FOXK2: variants seen among roughly 807,000 people sequenced by gnomAD.
FOXK2 encodes the protein forkhead box protein K2.
FOXK2 carries 24 observed loss-of-function variants against 53.3 expected under a neutral mutation model. That is an observed-to-expected ratio of 0.45 (90% CI 0.33 to 0.63). FOXK2 has a LOEUF of 0.63. Among genes scored for constraint, FOXK2 ranks in the 30% least tolerant of loss-of-function variants. FOXK2 has a pLI of 0.03. For missense variants in FOXK2, 952 were observed against 910.5 expected, an observed-to-expected ratio of 1.05 and a Z score of -0.59; for synonymous variants, 505 against 407.1, an observed-to-expected ratio of 1.24 and a Z score of -2.89.
At chr17:82,586,232 C>A (rs1555642308) in intron 7 of FOXK2, 32 bp downstream of exon 7, 3 of 1,224,450 alleles carry the variant, frequency 2.5e-6, no homozygotes, top group Admixed American at 5.1e-5. Flanking sequence ...AGAGGGGAGA[C>A]CACAGGGAGG....
intron 1 of FOXK2, among the ~76,000 whole-genome samples, chr17:82,545,788 G>T (rs1432642692): frequency 6.6e-6 from 1 of 152,004 alleles, no homozygotes; most frequent in African/African-American, 2.4e-5. Flanking sequence ...CACCATGTTG[G>T]CCAGGCTGGT....
chr17:82,541,007 G>A (rs1206275120), intron 1 of FOXK2, among the ~76,000 whole-genome samples: 5 of 152,250 alleles, frequency 3.3e-5, no homozygotes, highest in South Asian at 4.1e-4. Flanking sequence ...TGTGTGTGGC[G>A]TGTGGCTGCT....
chr17:82,559,318 G>A (rs776091057), intron 1 of FOXK2: 5 of 451,442 alleles, frequency 1.1e-5, no homozygotes, highest in African/African-American at 4.0e-5. Context: ...CTCTGCTACT[G>A]GCTGGCGACC....
intron 4 of FOXK2, among the ~76,000 whole-genome samples, chr17:82,579,032 A>C (rs2279396): frequency 0.59 from 90,211 of 152,050 alleles, 27,382 homozygotes; most frequent in South Asian, 0.79. Context: ...TGTTCTTCAG[A>C]CTCGGATGCT....
chr17:82,561,616 G>A (rs1006711977), intron 1 of FOXK2, among the ~76,000 whole-genome samples: 8 of 152,150 alleles, frequency 5.3e-5, no homozygotes, highest in Admixed American at 1.3e-4. Flanking sequence ...GCCGTCCTGC[G>A]TGTGCCTCAC....
chr17:82,603,721 T>G lies in FOXK2; in HGVS notation c.*2222T>G, dbSNP rs2045414826. Reference sequence around the variant, plus strand: ...AATGGTAAAGAAGGGAGGAGGGTGTTTTTTTTTTTTTTTTTTGCCGTAGGC... The same window carrying G: ...AATGGTAAAGAAGGGAGGAGGGTGTGTTTTTTTTTTTTTTTTGCCGTAGGC... On this transcript the variant is annotated 3_prime_UTR_variant, in exon 9 of 9. Coordinates refer to ENST00000335255, the MANE Select transcript of FOXK2 (RefSeq NM_004514.4). 1.4e-4 allele frequency: 1 copy of G among 7,150 alleles called. No homozygotes were observed. The highest frequency in any genetic ancestry group is 3.7e-3 in the Admixed American group (1 of 268). 0.4% of individuals were successfully genotyped at this position (7,150 alleles called of 1,614,324 possible). A position where few individuals can be genotyped will look rare whatever the true frequency, so the allele number is the denominator to read the frequency against.
chr17:82,536,156 GTGT>G (rs1320647340), intron 1 of FOXK2, among the ~76,000 whole-genome samples: 4 of 152,182 alleles, frequency 2.6e-5, no homozygotes, highest in Non-Finnish European at 5.9e-5. Flanking sequence ...GGGATTACAG[GTGT>G]GAGCTACGGT....
chr17:82,575,138 T>C (rs1300741638), intron 4 of FOXK2, among the ~76,000 whole-genome samples: 1 of 152,220 alleles, frequency 6.6e-6, no homozygotes, highest in African/African-American at 2.4e-5. Context: ...ATAAGTAATG[T>C]ACCACACATT....
At chr17:82,566,777 T>C (rs891838250) in intron 2 of FOXK2, among the ~76,000 whole-genome samples, 1 of 152,146 alleles carries the variant, frequency 6.6e-6, no homozygotes, top group African/African-American at 2.4e-5. Context: ...TCCCCACACC[T>C]GCACAGACCT....
At chr17:82,555,525 A>G (rs2044714944) in intron 1 of FOXK2, among the ~76,000 whole-genome samples, 1 of 152,094 alleles carries the variant, frequency 6.6e-6, no homozygotes. Flanking sequence ...TTCGAATGTA[A>G]CCTACATTCA....
rs939871991 is a variant in FOXK2 at position 82,587,118 on chromosome 17, G to A, written c.1632G>A (p.Arg544=). The change falls in exon 8 of 9, where the codon CGG becomes CGA. Residue 544 remains arginine, a synonymous_variant. Transcript: ENST00000335255. The stretch of plus-strand genomic sequence containing the variant: ...ACGCCACGCTCGGCACTGCCAGCCG[G>A]ATCATTCAGACGGCACAGACCACCC... ...IGHATLGTAS[R]IIQTAQTTPV... 1.2e-6 allele frequency: 2 copies of A among 1,613,080 alleles called. No individual in the cohort carries two copies. The highest frequency in any genetic ancestry group is 2.2e-5 in the East Asian group (1 of 44,892).
chr17:82,528,055 G>T (rs1211393478), intron 1 of FOXK2, among the ~76,000 whole-genome samples: 2 of 152,070 alleles, frequency 1.3e-5, no homozygotes, highest in East Asian at 3.9e-4. Flanking sequence ...ACCTCAGTCT[G>T]CCAAAGTGCT....
intron 4 of FOXK2, among the ~76,000 whole-genome samples, chr17:82,582,243 C>T (rs2045072481): frequency 1.3e-5 from 2 of 152,160 alleles, no homozygotes; most frequent in Admixed American, 1.3e-4. Flanking sequence ...TCCTGGGTTT[C>T]CCACCTTGAA....
intron 4 of FOXK2, among the ~76,000 whole-genome samples, chr17:82,574,322 T>TC (rs201817820): frequency 4.1e-3 from 290 of 69,956 alleles, no homozygotes; most frequent in East Asian, 0.032. Context: ...ACTCTCTCTC[T>TC]TTTTTTTTTT....
At chr17:82,594,036 C>T (rs1048818017) in intron 8 of FOXK2, 3 of 152,206 alleles carry the variant, frequency 2.0e-5, no homozygotes, top group Non-Finnish European at 4.4e-5. Flanking sequence ...AGCAGCTGCT[C>T]TCGTGTCTGA....
At chr17:82,600,709 CCCACACA>C (rs1316476113) in intron 8 of FOXK2, 1 of 152,342 alleles carries the variant, frequency 6.6e-6, no homozygotes, top group African/African-American at 2.4e-5. Context: ...CTCTGTTCTG[CCCACACA>C]CCTCTGTGGA....
At chr17:82,570,274 C>T (rs1245009387) in intron 3 of FOXK2, among the ~76,000 whole-genome samples, 3 of 152,096 alleles carry the variant, frequency 2.0e-5, no homozygotes, top group Non-Finnish European at 4.4e-5. Context: ...GGGCATATCA[C>T]TTGAGCTCAG....
chr17:82,554,940 C>T (rs536426026), intron 1 of FOXK2, among the ~76,000 whole-genome samples: 41 of 151,954 alleles, frequency 2.7e-4, no homozygotes, highest in Non-Finnish European at 4.6e-4. Flanking sequence ...ATAGTGGCAG[C>T]GTTTCACCAT....
intron 6 of FOXK2, among the ~76,000 whole-genome samples, chr17:82,584,477 C>G (rs1598228555): frequency 1.3e-5 from 2 of 149,566 alleles, no homozygotes; most frequent in South Asian, 4.3e-4. Flanking sequence ...ACCCCCACCC[C>G]CCGCAAAAAA....
Sources: gnomAD v4.1 joint callset for allele counts (sites outside exome capture counted in the v4.1 genomes callset) on GRCh38, gnomAD v4.1.1 for gene constraint, MANE v1.5 for transcripts, NCBI Gene and HGNC (gene_info 2026-07-23, HGNC 2026-07-21) for gene names.